ZFHX3: variants seen among roughly 807,000 people sequenced by gnomAD.
ZFHX3 encodes zinc finger homeobox protein 3.
ZFHX3 carries 42 observed loss-of-function variants against 279.1 expected under a neutral mutation model. That is an observed-to-expected ratio of 0.15 (90% CI 0.12 to 0.19). ZFHX3 has a LOEUF of 0.19. Among genes scored for constraint, ZFHX3 ranks in the 10% least tolerant of loss-of-function variants. ZFHX3 has a pLI of 1.00. For synonymous variants in ZFHX3, 2,293 were observed against 1,957.8 expected (o/e 1.17, Z -4.52); for missense variants, 4,981 against 4,754.0 (o/e 1.05, Z -1.40).
At chr16:72,966,139 T>C (rs1961824985) in intron 1 of ZFHX3, among the ~76,000 whole-genome samples, 2 of 152,140 alleles carry the variant, frequency 1.3e-5, no homozygotes, top group Non-Finnish European at 1.5e-5. Flanking sequence ...CTCTGTCTTG[T>C]CCCTATTTGG....
chr16:73,863,949 A>G (rs1418218159), intron 1 of ZFHX3, among the ~76,000 whole-genome samples: 1 of 152,240 alleles, frequency 6.6e-6, no homozygotes, highest in African/African-American at 2.4e-5. Flanking sequence ...TCCAAGCAAG[A>G]CAAGTACCCA....
At chr16:73,331,290 C>A (rs563500476) in intron 3 of ZFHX3, among the ~76,000 whole-genome samples, 40 of 152,290 alleles carry the variant, frequency 2.6e-4, no homozygotes, top group African/African-American at 8.9e-4. Context: ...CCTCCCATGA[C>A]ATGTGGGAAT....
chr16:73,834,736 C>T (rs1409838587), intron 1 of ZFHX3, among the ~76,000 whole-genome samples: 1 of 152,144 alleles, frequency 6.6e-6, no homozygotes, highest in Non-Finnish European at 1.5e-5. Context: ...ACTAAAAATA[C>T]AAAATTTAGC....
intron 4 of ZFHX3, among the ~76,000 whole-genome samples, chr16:72,856,653 T>C (rs1284382901): frequency 2.0e-5 from 3 of 152,186 alleles, no homozygotes. Flanking sequence ...CTAATCTTCC[T>C]AGCACATGGA....
chr16:72,926,738 T>G (rs1449015520), intron 3 of ZFHX3, among the ~76,000 whole-genome samples: 1 of 152,172 alleles, frequency 6.6e-6, no homozygotes, highest in African/African-American at 2.4e-5. Context: ...TGTATTCAGA[T>G]GAGGGGCGAT....
rs1002873591 is a variant in ZFHX3, at chr16:73,736,835, T to C, written c.-1607-56595A>G. Among the ~76,000 whole-genome samples, 3 of 152,280 alleles carry C rather than the reference T, an allele frequency of 2.0e-5. No individual in the cohort carries two copies. In the East Asian group the frequency reaches 5.8e-4, roughly 29 times the overall value. On this transcript the variant is annotated intron_variant, in intron 1 of 17. Coordinates refer to the ZFHX3 transcript ENST00000641206. Reference sequence around the variant, plus strand: ...GCAGGCACCAACCCAAACAGGGGTATTGTTAGAGGTCTTGAAGAATAATGC... The same window carrying C: ...GCAGGCACCAACCCAAACAGGGGTACTGTTAGAGGTCTTGAAGAATAATGC...
At chr16:72,948,366 G>A (rs1448915222) in intron 3 of ZFHX3, among the ~76,000 whole-genome samples, 1 of 152,062 alleles carries the variant, frequency 6.6e-6, no homozygotes, top group African/African-American at 2.4e-5. Context: ...CCATCTTTTT[G>A]AGCAACAGTT....
intron 7 of ZFHX3, among the ~76,000 whole-genome samples, chr16:72,808,924 TGA>T (rs2036354291): frequency 6.6e-6 from 1 of 152,232 alleles, no homozygotes; most frequent in Non-Finnish European, 1.5e-5. Flanking sequence ...ATAGCTTTCA[TGA>T]GAGTCTCCAT....
At chr16:73,180,437 G>T (rs1191999446) in intron 5 of ZFHX3, among the ~76,000 whole-genome samples, 1 of 152,178 alleles carries the variant, frequency 6.6e-6, no homozygotes, top group African/African-American at 2.4e-5. Flanking sequence ...CAGCAGAGGT[G>T]CTGAGGCTAC....
intron 3 of ZFHX3, among the ~76,000 whole-genome samples, chr16:72,938,866 A>G (rs1960264487): frequency 6.6e-6 from 1 of 152,198 alleles, no homozygotes; most frequent in Admixed American, 6.5e-5. Context: ...GCAAAAAAAA[A>G]TTAATAATGA....
intron 7 of ZFHX3, among the ~76,000 whole-genome samples, chr16:73,094,879 T>C (rs1966139087): frequency 6.6e-6 from 1 of 152,032 alleles, no homozygotes; most frequent in Admixed American, 6.6e-5. Context: ...CCGGCTAATT[T>C]TTGTATTTTT....
intron 5 of ZFHX3, among the ~76,000 whole-genome samples, chr16:73,145,434 G>A (rs1465066570): frequency 6.6e-6 from 1 of 152,214 alleles, no homozygotes; most frequent in African/African-American, 2.4e-5. Flanking sequence ...GCAGCCTCCT[G>A]CGGAGGACCT....
chr16:73,388,257 T>A (rs1402253930), intron 3 of ZFHX3, among the ~76,000 whole-genome samples: 1 of 152,048 alleles, frequency 6.6e-6, no homozygotes, highest in Non-Finnish European at 1.5e-5. Context: ...TGTGGAGTAT[T>A]CCTAGGGTAG....
exon 1 of ZFHX3, chr16:73,058,569 C>T: frequency 4.6e-6 from 1 of 216,044 alleles, no homozygotes; most frequent in Non-Finnish European, 8.8e-6. Context: ...AGCGGCGCTG[C>T]TGGCGACGGC....
intron 7 of ZFHX3, among the ~76,000 whole-genome samples, chr16:73,098,070 TA>T (rs1465080323): frequency 1.3e-5 from 1 of 76,462 alleles, no homozygotes; most frequent in African/African-American, 6.5e-5. Flanking sequence ...CTTGTGTATC[TA>T]TTTTTTTTTT....
chr16:73,369,053 G>C (rs2016577756), intron 3 of ZFHX3, among the ~76,000 whole-genome samples: 1 of 152,146 alleles, frequency 6.6e-6, no homozygotes, highest in African/African-American at 2.4e-5. Context: ...ATTATACTAG[G>C]TTTTTGTGAG....
At chr16:73,442,613 G>A (rs948971397) in intron 3 of ZFHX3, among the ~76,000 whole-genome samples, 3 of 152,118 alleles carry the variant, frequency 2.0e-5, no homozygotes, top group Admixed American at 6.5e-5. Context: ...ATTGAATTCC[G>A]AATAGAATTC....
intron 1 of ZFHX3, among the ~76,000 whole-genome samples, chr16:73,754,036 GGACTGCCTCCCAAA>G (rs1229806367): frequency 1.1e-4 from 13 of 117,328 alleles, no homozygotes; most frequent in Non-Finnish European, 1.9e-4. Context: ...ATACTTTCTT[GGACTGCCTCCCAAA>G]TGTCTTGTGT....
At chr16:73,792,735 G>T (rs1457635500) in intron 1 of ZFHX3, among the ~76,000 whole-genome samples, 3 of 152,146 alleles carry the variant, frequency 2.0e-5, no homozygotes, top group Admixed American at 2.0e-4. Flanking sequence ...GAAAACGGTT[G>T]TTCGAAAAGG....
Sources: allele counts gnomAD v4.1 joint callset (sites outside exome capture counted in the v4.1 genomes callset), GRCh38; gene constraint gnomAD v4.1.1; transcripts MANE v1.5; gene names NCBI Gene and HGNC (gene_info 2026-07-23, HGNC 2026-07-21).